MAP7: variants seen among roughly 807,000 people sequenced by gnomAD.
MAP7 encodes microtubule associated protein 7, also known as ensconsin.
Under a neutral mutation model 94.8 loss-of-function variants are expected in MAP7, and 52 were observed. That is an observed-to-expected ratio of 0.55 (90% CI 0.44 to 0.69). The LOEUF (loss-of-function observed/expected upper bound fraction) is 0.69, where lower values mean the gene tolerates loss of function less well. Ranked by LOEUF, MAP7 falls within the 30% of genes least tolerant of loss-of-function variation. MAP7 has a pLI of 0.00. For synonymous variants in MAP7, 350 were observed against 357.0 expected (o/e 0.98, Z 0.22); for missense variants, 940 against 964.6 (o/e 0.97, Z 0.34).
chr6:136,497,282 C>T (rs1818534161), intron 1 of MAP7, among the ~76,000 whole-genome samples: 1 of 151,958 alleles, frequency 6.6e-6, no homozygotes, highest in Admixed American at 6.6e-5. Flanking sequence ...CAGGCCTCCC[C>T]AATATTTTTG....
At chr6:136,418,174 T>C (rs1018691170) in intron 2 of MAP7, among the ~76,000 whole-genome samples, 1 of 152,196 alleles carries the variant, frequency 6.6e-6, no homozygotes, top group Non-Finnish European at 1.5e-5. Context: ...GTGCTCATAG[T>C]TCTAAAACAC....
chr6:136,532,897 TC>T (rs1172469947), intron 1 of MAP7, among the ~76,000 whole-genome samples: 2 of 152,196 alleles, frequency 1.3e-5, no homozygotes, highest in African/African-American at 4.8e-5. Context: ...AACTGAACCT[TC>T]TCCAGGTGTT....
At chr6:136,380,476 GAGC>G (rs1411542121) in intron 6 of MAP7, among the ~76,000 whole-genome samples, 1 of 152,180 alleles carries the variant, frequency 6.6e-6, no homozygotes, top group Non-Finnish European at 1.5e-5. Context: ...ACAAGCCTGT[GAGC>G]AGAATTTATT....
At chr6:136,468,214 C>A (rs1807772325) in intron 1 of MAP7, among the ~76,000 whole-genome samples, 1 of 152,056 alleles carries the variant, frequency 6.6e-6, no homozygotes, top group South Asian at 2.1e-4. Flanking sequence ...TTTTATCCTT[C>A]TTATGGTACT....
At chr6:136,530,250 C>G (rs1011738678) in intron 1 of MAP7, among the ~76,000 whole-genome samples, 1 of 152,166 alleles carries the variant, frequency 6.6e-6, no homozygotes, top group African/African-American at 2.4e-5. Context: ...ATTATTACTG[C>G]TGGATTGAAT....
intron 1 of MAP7, among the ~76,000 whole-genome samples, chr6:136,442,669 T>C (rs1309108332): frequency 6.6e-6 from 1 of 152,148 alleles, no homozygotes; most frequent in Non-Finnish European, 1.5e-5. Flanking sequence ...GAATTTAAAC[T>C]AGAATCATCT....
chr6:136,456,849 G>GAAGAGGAAGAA (rs1562422597), intron 1 of MAP7, among the ~76,000 whole-genome samples: 2 of 72,490 alleles, frequency 2.8e-5, no homozygotes, highest in African/African-American at 1.1e-4. Flanking sequence ...AAGAAGAAGA[G>GAAGAGGAAGAA]GAAGAAGAAG....
chr6:136,535,526 G>C (rs1828808391), intron 1 of MAP7, among the ~76,000 whole-genome samples: 1 of 152,140 alleles, frequency 6.6e-6, no homozygotes, highest in Non-Finnish European at 1.5e-5. Context: ...CTAGAGGAAG[G>C]AAGTGCCTCA....
chr6:136,420,805 C>T (rs925460161), intron 2 of MAP7, among the ~76,000 whole-genome samples: 1 of 91,870 alleles, frequency 1.1e-5, no homozygotes, highest in Non-Finnish European at 2.2e-5. Context: ...TGTTCAAGAC[C>T]TTTTCCACAT....
At chr6:136,423,385 A>G (rs191936168) in intron 1 of MAP7, among the ~76,000 whole-genome samples, 65 of 152,366 alleles carry the variant, frequency 4.3e-4, no homozygotes, top group African/African-American at 1.5e-3. Context: ...GCAAGGCACG[A>G]TAAATGGTAG....
intron 1 of MAP7, among the ~76,000 whole-genome samples, chr6:136,491,442 C>T (rs997760856): frequency 2.0e-5 from 3 of 152,122 alleles, no homozygotes; most frequent in Admixed American, 2.0e-4. Flanking sequence ...GATTTCTCAC[C>T]CTGTGGTGCC....
rs369719301 is a variant in MAP7, at chr6:136,448,342, TAAAC to T, written c.68-26547_68-26544del. On this transcript the variant is annotated intron_variant, in intron 1 of 17. Transcript: ENST00000354570. Reference sequence around the variant, plus strand: ...AAGGTCCTTTTGGCAACACGATTATTAAACAAACAAACAAACAAAAAATCCTTCT... The same window carrying T: ...AAGGTCCTTTTGGCAACACGATTATTAAACAAACAAACAAAAAATCCTTCT... Among the ~76,000 whole-genome samples the T allele has an allele frequency of 6.6e-3, 1,003 of 152,104 alleles. 6 individuals carry two copies. Among genetic ancestry groups the T allele is most frequent in the African/African-American group, 0.021 (887 of 41,490 alleles).
At chr6:136,420,941 T>C (rs577395215) in intron 2 of MAP7, among the ~76,000 whole-genome samples, 21 of 152,332 alleles carry the variant, frequency 1.4e-4, no homozygotes, top group African/African-American at 5.1e-4. Context: ...CAGTCCTGGA[T>C]GCAGCATGAA....
rs1830015654 is a variant in MAP7 at position 136,550,026 on chromosome 6, G to C, written c.67+316C>G. On this transcript the variant is annotated intron_variant, in intron 1 of 17. Coordinates refer to ENST00000354570, the MANE Select transcript of MAP7 (RefSeq NM_003980.6). This position sits in a 1 kb window ranked among gnomAD's most constrained non-coding sequence, Gnocchi z 5.1. ...TGAATTAGACCCGAGGCCGCGGCGG[G>C]GAGGGCAGCGGCCGGGGTCTCTCCG... 1.3e-5 allele frequency among the ~76,000 whole-genome samples: 2 copies of C among 152,042 alleles called. No individual in the cohort carries two copies. Among genetic ancestry groups the C allele is most frequent in the Non-Finnish European group, 2.9e-5 (2 of 67,970 alleles).
intron 6 of MAP7, among the ~76,000 whole-genome samples, chr6:136,379,773 C>T (rs1416515313): frequency 2.6e-5 from 4 of 152,104 alleles, no homozygotes; most frequent in African/African-American, 9.7e-5. Flanking sequence ...AGGCATCGAC[C>T]AAAAAATTTA....
intron 1 of MAP7, among the ~76,000 whole-genome samples, chr6:136,540,005 A>C (rs972975986): frequency 6.6e-6 from 1 of 152,184 alleles, no homozygotes; most frequent in Non-Finnish European, 1.5e-5. Context: ...GTGCCTGTAG[A>C]CATTTCAGTG....
chr6:136,397,294 G>T (rs1782750173), intron 3 of MAP7, among the ~76,000 whole-genome samples: 1 of 150,966 alleles, frequency 6.6e-6, no homozygotes, highest in African/African-American at 2.4e-5. Flanking sequence ...TCCACAAAAA[G>T]TTTTTTTTTA....
At chr6:136,519,268 T>A (rs992606450) in intron 1 of MAP7, among the ~76,000 whole-genome samples, 3 of 152,190 alleles carry the variant, frequency 2.0e-5, no homozygotes, top group African/African-American at 7.2e-5. Context: ...CCTCAAGATT[T>A]CCTCCTCAAA....
intron 1 of MAP7, among the ~76,000 whole-genome samples, chr6:136,457,818 C>T (rs1803833908): frequency 6.6e-6 from 1 of 151,996 alleles, no homozygotes; most frequent in African/African-American, 2.4e-5. Context: ...ATAATAAAGG[C>T]CATATATGAA....
Sources: gnomAD v4.1 joint callset for allele counts (sites outside exome capture counted in the v4.1 genomes callset) on GRCh38, gnomAD v4.1.1 for gene constraint, Gnocchi (gnomAD v3.1) non-coding constraint, MANE v1.5 for transcripts, NCBI Gene and HGNC (gene_info 2026-07-23, HGNC 2026-07-21) for gene names.